The following KCNH7 variants were observed in gnomAD, a reference collection of about 807,000 sequenced individuals.
KCNH7 encodes voltage-gated inwardly rectifying potassium channel KCNH7.
A neutral mutation model predicts 120.8 loss-of-function variants in KCNH7; 49 were observed. The ratio of observed to expected loss-of-function variants is 0.41; its 90% CI spans 0.32 to 0.51. The LOEUF is 0.51. Ranked by LOEUF, KCNH7 falls within the 20% of genes least tolerant of loss-of-function variation. KCNH7 has a pLI of 0.38. For synonymous variants in KCNH7, 547 were observed against 516.1 expected, an observed-to-expected ratio of 1.06 and a Z score of -0.81; for missense variants, 1,097 against 1,446.6, an observed-to-expected ratio of 0.76 and a Z score of 3.92.
intron 2 of KCNH7, among the ~76,000 whole-genome samples, chr2:162,590,503 GAC>G (rs1312036095): frequency 6.6e-6 from 1 of 152,152 alleles, no homozygotes; most frequent in Non-Finnish European, 1.5e-5. Context: ...ACTGGAAGGT[GAC>G]ACAGAGCATA....
chr2:162,372,884 A>G (rs925997540), intron 15 of KCNH7, among the ~76,000 whole-genome samples: 8 of 152,174 alleles, frequency 5.3e-5, no homozygotes, highest in African/African-American at 1.7e-4. Context: ...AGGATAAAGG[A>G]CTCTTTAAAT....
intron 2 of KCNH7, among the ~76,000 whole-genome samples, chr2:162,646,711 T>G (rs1008086511): frequency 6.6e-6 from 1 of 152,128 alleles, no homozygotes; most frequent in African/African-American, 2.4e-5. Context: ...GGGTGATTTC[T>G]AGGAGCAGAC....
chr2:162,560,058 G>A (rs540636825), intron 2 of KCNH7, among the ~76,000 whole-genome samples: 40 of 152,326 alleles, frequency 2.6e-4, no homozygotes, highest in Admixed American at 2.2e-3. Flanking sequence ...TGATGAAGCT[G>A]TCTCTCTTTG....
chr2:162,375,018 T>C (rs1686111253), intron 14 of KCNH7, among the ~76,000 whole-genome samples: 1 of 152,182 alleles, frequency 6.6e-6, no homozygotes. Context: ...CTGTTATGTG[T>C]TATACATATT....
intron 5 of KCNH7, 124 bp from the exon 6 acceptor site, chr2:162,504,781 C>G (rs985057986): frequency 7.7e-6 from 5 of 646,466 alleles, no homozygotes; most frequent in African/African-American, 5.5e-5. Flanking sequence ...CTGAATGCAG[C>G]CAGCTTATAC....
intron 2 of KCNH7, among the ~76,000 whole-genome samples, chr2:162,705,736 C>G (rs1262627025): frequency 1.3e-5 from 2 of 152,020 alleles, no homozygotes; most frequent in Admixed American, 1.3e-4. Context: ...TAGCCTTTAC[C>G]CATCTAAATC....
intron 2 of KCNH7, among the ~76,000 whole-genome samples, chr2:162,733,647 T>C (rs1559106393): frequency 2.6e-5 from 4 of 152,220 alleles, no homozygotes; most frequent in Non-Finnish European, 5.9e-5. Context: ...TCATTTTCCA[T>C]CACAGCAGAA....
At chr2:162,487,047 C>G (rs969118380) in intron 6 of KCNH7, among the ~76,000 whole-genome samples, 2 of 152,142 alleles carry the variant, frequency 1.3e-5, no homozygotes, top group African/African-American at 4.8e-5. Context: ...AAGGGAGATT[C>G]TTTCTTAGAG....
At chr2:162,416,081 T>A (rs1480254727) in intron 9 of KCNH7, among the ~76,000 whole-genome samples, 1 of 152,164 alleles carries the variant, frequency 6.6e-6, no homozygotes, top group African/African-American at 2.4e-5. Context: ...TGGTGTTGCC[T>A]GCTATTAAAT....
At chr2:162,460,918 G>A (rs1401987146) in intron 6 of KCNH7, among the ~76,000 whole-genome samples, 1 of 152,182 alleles carries the variant, frequency 6.6e-6, no homozygotes, top group Non-Finnish European at 1.5e-5. Context: ...TATTTGTGGG[G>A]ATAAAGCCTC....
rs546583639 is a variant in KCNH7, at chr2:162,440,225, T to C, written c.1555-4628A>G. ...AAAACCTTTGCCTATAAATAAGTGATACAATTATTCTTCTATAAATAAAAA... is the reference window on the plus strand; with the variant it reads ...AAAACCTTTGCCTATAAATAAGTGACACAATTATTCTTCTATAAATAAAAA... On this transcript the variant is annotated intron_variant, in intron 7 of 15. Transcript: ENST00000332142. Among the ~76,000 whole-genome samples the C allele has an allele frequency of 7.2e-5, 11 of 152,158 alleles. No homozygotes were observed. The South Asian group carries it at 1.4e-3, about 20-fold the overall frequency.
rs747299089 is a variant in KCNH7, at chr2:162,838,393, C to A, written c.76+50G>T. 4.4e-5 allele frequency: 65 copies of A among 1,466,626 alleles called. 1 individual carries two copies. The highest frequency in any genetic ancestry group is 3.5e-4 in the Middle Eastern group (2 of 5,654). The allele number at this position is 1,466,626 out of a possible 1,614,324, so 90.9% of individuals were successfully genotyped here. Reference sequence around the variant, plus strand: ...CCTTGGAAGCGGTGGACGCCAAGTGCACTAACAAGGCAGAAAGCGAGGGCG... The same window carrying A: ...CCTTGGAAGCGGTGGACGCCAAGTGAACTAACAAGGCAGAAAGCGAGGGCG... On this transcript the variant is annotated intron_variant, in intron 1 of 15. Transcript: ENST00000332142.
intron 2 of KCNH7, among the ~76,000 whole-genome samples, chr2:162,756,437 A>T (rs945469889): frequency 9.9e-5 from 15 of 151,990 alleles, no homozygotes; most frequent in Non-Finnish European, 2.2e-4. Context: ...TCTGAGGAAA[A>T]TTTCAACTCT....
At chr2:162,389,483 G>T (rs188048494) in intron 12 of KCNH7, among the ~76,000 whole-genome samples, 3 of 152,090 alleles carry the variant, frequency 2.0e-5, no homozygotes, top group Non-Finnish European at 4.4e-5. Context: ...AGCAGGAAAA[G>T]GTATAGAGAA....
chr2:162,381,212 T>C (rs998417642), intron 13 of KCNH7, among the ~76,000 whole-genome samples: 7 of 152,062 alleles, frequency 4.6e-5, no homozygotes, highest in African/African-American at 1.2e-4. Flanking sequence ...TTTGGTTTGA[T>C]AGAAAGACTT....
chr2:162,633,856 G>C (rs1433101864), intron 2 of KCNH7, among the ~76,000 whole-genome samples: 1 of 151,672 alleles, frequency 6.6e-6, no homozygotes, highest in Admixed American at 6.6e-5. Context: ...TTCTCCACAG[G>C]CCATTCAAAA....
At chr2:162,508,381 A>T (rs963249533) in intron 5 of KCNH7, among the ~76,000 whole-genome samples, 18 of 150,792 alleles carry the variant, frequency 1.2e-4, no homozygotes, top group African/African-American at 4.1e-4. Context: ...CTTTTAATCT[A>T]TATTTTAATT....
At chr2:162,672,457 G>A (rs372888848) in intron 2 of KCNH7, among the ~76,000 whole-genome samples, 3 of 151,836 alleles carry the variant, frequency 2.0e-5, no homozygotes, top group Admixed American at 6.6e-5. Flanking sequence ...ACTTGAAAAC[G>A]ACCAATAACA....
At position 162,583,961 on chromosome 2, in the gene KCNH7, AG is replaced by A. The variant is rs527997096; in HGVS notation, c.308-46882del. 5.3e-4 allele frequency among the ~76,000 whole-genome samples: 80 copies of A among 152,264 alleles called. 2 individuals carry two copies. Among genetic ancestry groups the A allele is most frequent in the African/African-American group, 1.8e-3 (75 of 41,572 alleles). ...AAGGCTTTCAGATTTTAGAAAGGGC[AG>A]TACCCAATAATCAAGCACATTGATA... On this transcript the variant is annotated intron_variant, in intron 2 of 15. Transcript: ENST00000332142.
Sources: gnomAD v4.1 joint callset for allele counts (sites outside exome capture counted in the v4.1 genomes callset) on GRCh38, gnomAD v4.1.1 for gene constraint, MANE v1.5 for transcripts, NCBI Gene and HGNC (gene_info 2026-07-23, HGNC 2026-07-21) for gene names.